ANXA3: variants seen among roughly 807,000 people sequenced by gnomAD.
The protein encoded by ANXA3 is 35-alpha calcimedin.
Under a neutral mutation model 48.8 loss-of-function variants are expected in ANXA3, and 46 were observed. The observed-to-expected ratio is 0.94, with a 90% CI of 0.74 to 1.21. The LOEUF (loss-of-function observed/expected upper bound fraction) is 1.21, where lower values mean the gene tolerates loss of function less well. Among genes scored for constraint, ANXA3 ranks in the 50% most tolerant of loss-of-function variants. The pLI, the probability that ANXA3 is intolerant of heterozygous loss-of-function variation, is 0.00. For synonymous variants in ANXA3, 128 were observed against 134.7 expected, an observed-to-expected ratio of 0.95 and a Z score of 0.35; for missense variants, 383 against 378.6, an observed-to-expected ratio of 1.01 and a Z score of -0.10.
chr4:78,563,668 A>G (rs888235566), intron 2 of ANXA3, among the ~76,000 whole-genome samples: 5 of 152,190 alleles, frequency 3.3e-5, no homozygotes, highest in African/African-American at 1.2e-4. Context: ...TTTATTATTT[A>G]TAAGACACCC....
At chr4:78,578,281 G>A (rs1458330227) in intron 3 of ANXA3, among the ~76,000 whole-genome samples, 18 of 142,296 alleles carry the variant, frequency 1.3e-4, no homozygotes, top group East Asian at 6.4e-4. Flanking sequence ...GAGAAAGGGC[G>A]AAGGGGAGAG....
chr4:78,572,655 T>C (rs1560443187), intron 2 of ANXA3, among the ~76,000 whole-genome samples: 2 of 152,220 alleles, frequency 1.3e-5, no homozygotes, highest in East Asian at 1.9e-4. Context: ...TGTCCAGTAG[T>C]CAGAAATGCA....
At chr4:78,586,797 G>A (rs758775612) in intron 6 of ANXA3, among the ~76,000 whole-genome samples, 3 of 152,282 alleles carry the variant, frequency 2.0e-5, no homozygotes, top group Admixed American at 6.5e-5. Flanking sequence ...TAGTCTGCTG[G>A]CTGTGTAAAA....
chr4:78,553,431 C>A (rs774820738), intron 1 of ANXA3, among the ~76,000 whole-genome samples: 1 of 152,098 alleles, frequency 6.6e-6, no homozygotes, highest in African/African-American at 2.4e-5. Context: ...CTGGCAACAC[C>A]CCCTTCTTCA....
chr4:78,608,818 G>C (rs1723701830), intron 12 of ANXA3, among the ~76,000 whole-genome samples: 1 of 152,308 alleles, frequency 6.6e-6, no homozygotes, highest in Middle Eastern at 3.4e-3. Flanking sequence ...TTTGAGCCAT[G>C]TAAGACATGT....
At chr4:78,599,020 A>G (rs1032660177) in intron 10 of ANXA3, among the ~76,000 whole-genome samples, 8 of 152,188 alleles carry the variant, frequency 5.3e-5, no homozygotes, top group Admixed American at 3.9e-4. Flanking sequence ...ACATTATTTT[A>G]TCATGTAAAA....
chr4:78,593,113 CCACACACACACA>C (rs59972919), intron 7 of ANXA3, among the ~76,000 whole-genome samples: 5 of 143,934 alleles, frequency 3.5e-5, no homozygotes, highest in Admixed American at 6.9e-5. Flanking sequence ...AACACACATA[CCACACACACACA>C]CACACACACA....
intron 2 of ANXA3, among the ~76,000 whole-genome samples, chr4:78,563,187 G>A (rs1722658219): frequency 6.6e-6 from 1 of 152,126 alleles, no homozygotes; most frequent in African/African-American, 2.4e-5. Flanking sequence ...ATAAAATAAT[G>A]CATTTACCAT....
chr4:78,566,523 G>A (rs1468073716), intron 2 of ANXA3, among the ~76,000 whole-genome samples: 1 of 151,626 alleles, frequency 6.6e-6, no homozygotes, highest in African/African-American at 2.4e-5. Flanking sequence ...TCTTTTGCAG[G>A]AACATGAATG....
rs745410446 is a variant in ANXA3, at chr4:78,591,670, T to C, written c.483+47T>C. On this transcript the variant is annotated intron_variant, in intron 7 of 12. Transcript: ENST00000264908. ...TTTAACTCCCCAGTAAGCTGCATGC[T>C]CAATAACAATTTTTAGGGAGTTTAA... 27 of 1,339,652 alleles carry C rather than the reference T, an allele frequency of 2.0e-5. No individual in the cohort carries two copies. In the South Asian group the frequency reaches 2.2e-4, roughly 11 times the overall value. 83.0% of individuals were successfully genotyped at this position (1,339,652 alleles called of 1,614,324 possible).
chr4:78,573,315 C>T (rs756058024), intron 3 of ANXA3, 48 bp downstream of exon 3: 3 of 1,396,780 alleles, frequency 2.1e-6, no homozygotes, highest in Non-Finnish European at 3.0e-6. Flanking sequence ...GCAAATCAGG[C>T]AAGTTACAAT....
At chr4:78,596,401 C>G (rs2109946180) in intron 9 of ANXA3, among the ~76,000 whole-genome samples, 1 of 152,384 alleles carries the variant, frequency 6.6e-6, no homozygotes, top group East Asian at 1.9e-4. Flanking sequence ...CACCCGCCCT[C>G]TTGCTCATGG....
chr4:78,601,727 C>G, intron 11 of ANXA3, 159 bp downstream of exon 11: 1 of 550,876 alleles, frequency 1.8e-6, no homozygotes, highest in Non-Finnish European at 3.2e-6. Context: ...ATACAATACA[C>G]TCTTTACACA....
intron 6 of ANXA3, among the ~76,000 whole-genome samples, chr4:78,589,042 G>A (rs1375481272): frequency 2.0e-5 from 3 of 152,186 alleles, no homozygotes; most frequent in Non-Finnish European, 4.4e-5. Context: ...ACAGATCCCT[G>A]GAGCCCAGCA....
At chr4:78,587,157 A>AT (rs1477809138) in intron 6 of ANXA3, among the ~76,000 whole-genome samples, 1 of 152,208 alleles carries the variant, frequency 6.6e-6, no homozygotes, top group Non-Finnish European at 1.5e-5. Context: ...GACCATTGAT[A>AT]TATCATTACC....
chr4:78,573,533 G>A (rs1013568223), intron 3 of ANXA3, among the ~76,000 whole-genome samples: 2 of 152,166 alleles, frequency 1.3e-5, no homozygotes, highest in African/African-American at 4.8e-5. Flanking sequence ...AACCCTGGCT[G>A]GTATCCAGAC....
chr4:78,572,865 A>G (rs1234024635), intron 2 of ANXA3, among the ~76,000 whole-genome samples: 1 of 152,242 alleles, frequency 6.6e-6, no homozygotes, highest in Non-Finnish European at 1.5e-5. Flanking sequence ...TTACAAGGGT[A>G]GTTTAGCTTT....
rs745335373 is a variant in ANXA3 at position 78,595,391 on chromosome 4, A to G, written c.494A>G (p.Asp165Gly). ...ALLTLADGRR[D>G]ESLKVDEHLA... Reference sequence around the variant, plus strand: ...CGTCCTCCTGTTTAGGGCAGAAGAGATGAAAGTCTGAAAGTGGATGAGCAT... The same window carrying G: ...CGTCCTCCTGTTTAGGGCAGAAGAGGTGAAAGTCTGAAAGTGGATGAGCAT... Residue 165 changes from aspartate (D) to glycine (G), a missense_variant, in exon 8 of 13, where the codon GAT (aspartate) becomes GGT (glycine). Transcript: ENST00000264908. 2 of 1,613,708 alleles carry G rather than the reference A, an allele frequency of 1.2e-6. No individual in the cohort carries two copies. Among genetic ancestry groups the G allele is most frequent in the Non-Finnish European group, 1.7e-6 (2 of 1,179,848 alleles).
chr4:78,596,213 G>A (rs1039031438), intron 9 of ANXA3, among the ~76,000 whole-genome samples: 4 of 152,218 alleles, frequency 2.6e-5, no homozygotes, highest in Non-Finnish European at 5.9e-5. Flanking sequence ...AAGCCCAACT[G>A]CTTCCACTCC....
Sources: gnomAD v4.1 joint callset for allele counts (sites outside exome capture counted in the v4.1 genomes callset) on GRCh38, gnomAD v4.1.1 for gene constraint, MANE v1.5 for transcripts, NCBI Gene and HGNC (gene_info 2026-07-23, HGNC 2026-07-21) for gene names.